Variants in CDH22 observed in about 807,000 individuals in gnomAD.
The protein encoded by CDH22 is cadherin-22.
A neutral mutation model predicts 58.4 loss-of-function variants in CDH22; 30 were observed. The ratio of observed to expected loss-of-function variants is 0.51; its 90% confidence interval spans 0.38 to 0.70. The LOEUF (loss-of-function observed/expected upper bound fraction) is 0.70. CDH22 is among the 30% of genes least tolerant of loss of function. CDH22 has a pLI of 0.00. For synonymous variants in CDH22, 513 were observed against 558.2 expected (o/e 0.92, Z 1.14); for missense variants, 1,014 against 1,233.9 (o/e 0.82, Z 2.67).
chr20:46,223,695 T>TTCTTTCTTTTTCTTTCTTTC, intron 4 of CDH22, among the ~76,000 whole-genome samples: 1 of 74,794 alleles, frequency 1.3e-5, no homozygotes, highest in African/African-American at 5.3e-5. Flanking sequence ...CTTTCTTTCT[T>TTCTTTCTTTTTCTTTCTTTC]TCTTTCTTTC....
At chr20:46,206,952 G>A (rs1009007481) in intron 7 of CDH22, among the ~76,000 whole-genome samples, 6 of 152,144 alleles carry the variant, frequency 3.9e-5, no homozygotes, top group Non-Finnish European at 8.8e-5. Flanking sequence ...AGCACACATG[G>A]CCTGTGAGGA....
At chr20:46,199,022 G>T (rs2085932202) in intron 8 of CDH22, among the ~76,000 whole-genome samples, 1 of 152,042 alleles carries the variant, frequency 6.6e-6, no homozygotes, top group Admixed American at 6.6e-5. Context: ...TGATAGTCTT[G>T]TTCTCCCTAT....
intron 1 of CDH22, among the ~76,000 whole-genome samples, chr20:46,272,608 GT>G (rs1363705459): frequency 2.0e-5 from 3 of 152,206 alleles, no homozygotes; most frequent in Non-Finnish European, 4.4e-5. Context: ...CCAAGAGACT[GT>G]CATGGAAACC....
intron 1 of CDH22, among the ~76,000 whole-genome samples, chr20:46,299,485 A>G (rs1046583204): frequency 2.6e-5 from 4 of 152,258 alleles, no homozygotes; most frequent in African/African-American, 9.6e-5. Context: ...TTTGCCTTCC[A>G]AGGTACACAG....
intron 1 of CDH22, among the ~76,000 whole-genome samples, chr20:46,303,369 A>G (rs531768620): frequency 6.6e-6 from 1 of 152,230 alleles, no homozygotes; most frequent in African/African-American, 2.4e-5. Context: ...ACTTCCTCCT[A>G]GAAGCCTCTG....
intron 4 of CDH22, among the ~76,000 whole-genome samples, chr20:46,223,703 TTC>T (rs1491369531): frequency 0.12 from 10,443 of 86,158 alleles, 385 homozygotes; most frequent in Non-Finnish European, 0.14. Context: ...CTTTCTTTCT[TTC>T]TTTCTTTCTT....
intron 1 of CDH22, among the ~76,000 whole-genome samples, chr20:46,262,703 T>A (rs1418396627): frequency 6.6e-6 from 1 of 152,158 alleles, no homozygotes; most frequent in Non-Finnish European, 1.5e-5. Flanking sequence ...ACAACTGATA[T>A]GTTGTGGAGT....
chr20:46,298,649 T>C (rs1479821582), intron 1 of CDH22, among the ~76,000 whole-genome samples: 1 of 151,794 alleles, frequency 6.6e-6, no homozygotes, highest in Non-Finnish European at 1.5e-5. Context: ...GGTGGATGGA[T>C]GGATGGATGG....
intron 1 of CDH22, among the ~76,000 whole-genome samples, chr20:46,289,990 G>A (rs1433935738): frequency 6.6e-6 from 1 of 152,172 alleles, no homozygotes; most frequent in Non-Finnish European, 1.5e-5. Context: ...TCTGAATTAA[G>A]GTTTGGAGTT....
At chr20:46,252,514 C>T (rs1170397035) in intron 1 of CDH22, among the ~76,000 whole-genome samples, 5 of 152,252 alleles carry the variant, frequency 3.3e-5, no homozygotes, top group Admixed American at 1.3e-4. Flanking sequence ...GGGACTAACG[C>T]CTACTCAAGC....
In CDH22 at chr20:46,241,347, A is replaced by G. The variant is rs2145726874; in HGVS notation, c.256-90T>C. On this transcript the variant is annotated intron_variant, in intron 2 of 11. Transcript: ENST00000537909. This position sits in a 1 kb window ranked among gnomAD's most constrained non-coding sequence, Gnocchi z 5.2. Reference sequence around the variant, plus strand: ...TCATGCCATTGGCTGCCTATTCCTAAGCCCATCTCTTCTCCAGCACATACA... The same window carrying G: ...TCATGCCATTGGCTGCCTATTCCTAGGCCCATCTCTTCTCCAGCACATACA... The G allele has an allele frequency of 9.0e-7, 1 of 1,112,338 alleles. No individual in the cohort carries two copies. The highest frequency in any genetic ancestry group is 1.3e-6 in the Non-Finnish European group (1 of 788,552). The allele number at this position is 1,112,338 out of a possible 1,614,324, so 68.9% of individuals were successfully genotyped here. A position where few individuals can be genotyped will look rare whatever the true frequency, so the allele number is the denominator to read the frequency against.
chr20:46,296,036 C>T (rs535831202), intron 1 of CDH22, among the ~76,000 whole-genome samples: 1 of 152,276 alleles, frequency 6.6e-6, no homozygotes, highest in East Asian at 1.9e-4. Flanking sequence ...GTGCTGGGAT[C>T]ACAGGTGGGA....
intron 7 of CDH22, among the ~76,000 whole-genome samples, chr20:46,201,322 C>T (rs1179378496): frequency 6.6e-6 from 1 of 152,220 alleles, no homozygotes; most frequent in Non-Finnish European, 1.5e-5. Flanking sequence ...GGGGAGGACC[C>T]CAGAAGCATT....
chr20:46,228,685 C>T (rs1423976700), intron 3 of CDH22, among the ~76,000 whole-genome samples: 1 of 152,082 alleles, frequency 6.6e-6, no homozygotes, highest in Non-Finnish European at 1.5e-5. Context: ...CAGGATACGA[C>T]CCAAAGGGAA....
intron 1 of CDH22, among the ~76,000 whole-genome samples, chr20:46,280,186 G>A (rs935099566): frequency 3.9e-4 from 60 of 152,140 alleles, no homozygotes; most frequent in Non-Finnish European, 4.3e-4. Context: ...TTGAGAGGCC[G>A]AGGTGGGCAT....
rs755097695 is a variant in CDH22 at position 46,177,947 on chromosome 20, A to G, written c.1914T>C (p.Val638=). 6.2e-7 allele frequency: 1 copy of G among 1,613,640 alleles called. No homozygotes were observed. The highest frequency in any genetic ancestry group is 8.5e-7 in the Non-Finnish European group (1 of 1,179,824). Residue 638 remains valine (V), a splice_region_variant and synonymous_variant, in exon 11 of 12, where the codon GTT becomes GTC. Transcript: ENST00000537909. ...CTGGGTGGCTCTCGATGGACTCACC[A>G]ACCAGGATGAGAACGCAGACCAAGA... ...IALLVCVLIL[V]VLVLLILTLR...
intron 11 of CDH22, among the ~76,000 whole-genome samples, chr20:46,176,772 A>T (rs1419734093): frequency 6.6e-6 from 1 of 152,210 alleles, no homozygotes; most frequent in Non-Finnish European, 1.5e-5. Flanking sequence ...GGAAAGATGG[A>T]TGGATGGCTT....
chr20:46,226,292 CTT>C (rs1349617347), intron 4 of CDH22, among the ~76,000 whole-genome samples: 5 of 105,444 alleles, frequency 4.7e-5, no homozygotes, highest in East Asian at 2.9e-4. Context: ...TCTTCTTCTT[CTT>C]TTTTTTTTTG....
intron 3 of CDH22, 148 bp downstream of exon 3, chr20:46,240,815 C>A: frequency 1.4e-6 from 1 of 710,632 alleles, no homozygotes; most frequent in Non-Finnish European, 2.3e-6. Flanking sequence ...CCAGGGGGCA[C>A]CTGAGCTCAC....
Sources: gnomAD v4.1 joint callset for allele counts (sites outside exome capture counted in the v4.1 genomes callset) on GRCh38, gnomAD v4.1.1 for gene constraint, Gnocchi (gnomAD v3.1) non-coding constraint, MANE v1.5 for transcripts, NCBI Gene and HGNC (gene_info 2026-07-23, HGNC 2026-07-21) for gene names.